The following SEMA6D variants were observed in gnomAD, a reference collection of about 807,000 sequenced individuals.
SEMA6D encodes semaphorin 6D.
In SEMA6D, 35 loss-of-function variants were observed where a neutral mutation model predicts 106.6. The observed-to-expected ratio is 0.33, with a 90% CI of 0.25 to 0.44. The LOEUF (loss-of-function observed/expected upper bound fraction) is 0.44, where lower values mean the gene tolerates loss of function less well. Among genes scored for constraint, SEMA6D ranks in the 20% least tolerant of loss-of-function variants. The probability of loss-of-function intolerance (pLI) is 1.00; values close to 1 mark genes in which losing one functional copy is unlikely to be tolerated. For missense variants in SEMA6D, 1,185 were observed against 1,345.9 expected (o/e 0.88, Z 1.87); for synonymous variants, 499 against 487.7 (o/e 1.02, Z -0.31).
intron 2 of SEMA6D, among the ~76,000 whole-genome samples, chr15:47,465,278 C>A (rs1239115137): frequency 6.6e-6 from 1 of 151,998 alleles, no homozygotes; most frequent in Non-Finnish European, 1.5e-5. Context: ...TCTATTTGGC[C>A]TCTAACTCTA....
chr15:47,471,520 A>G (rs902249783), intron 3 of SEMA6D, among the ~76,000 whole-genome samples: 2 of 152,180 alleles, frequency 1.3e-5, no homozygotes, highest in Non-Finnish European at 1.5e-5. Context: ...TAAGTCCTAC[A>G]CAATCTGTCG....
At chr15:47,236,115 A>G (rs1044330873) in intron 1 of SEMA6D, among the ~76,000 whole-genome samples, 9 of 152,138 alleles carry the variant, frequency 5.9e-5, no homozygotes, top group African/African-American at 2.2e-4. Context: ...GATTGCATCA[A>G]TCTTTGGTTA....
rs753102748 is a variant in SEMA6D, at chr15:47,764,859, G to C, written c.1254-24G>C. The C allele has an allele frequency of 2.5e-6, 4 of 1,613,630 alleles. No homozygotes were observed. The Admixed American group carries it at 6.7e-5, about 27-fold the overall frequency. On this transcript the variant is annotated intron_variant, in intron 12 of 18. Transcript: ENST00000536845. The stretch of plus-strand genomic sequence containing the variant: ...TCTCTGCCCGTTGGCCTCCCCTTCT[G>C]ATCTGTGCCGCCTCCTCTTGTAGGT...
intron 3 of SEMA6D, among the ~76,000 whole-genome samples, chr15:47,524,869 G>A (rs2044701885): frequency 1.3e-5 from 2 of 152,184 alleles, no homozygotes; most frequent in Non-Finnish European, 2.9e-5. Flanking sequence ...AGGTATTTAT[G>A]TCTTGCTACT....
chr15:47,248,345 C>A (rs572569090), intron 1 of SEMA6D, among the ~76,000 whole-genome samples: 3 of 152,108 alleles, frequency 2.0e-5, no homozygotes, highest in Non-Finnish European at 4.4e-5. Context: ...AAAACATTAA[C>A]GTGAAGAAAA....
At chr15:47,714,685 C>G (rs2079078353), upstream of SEMA6D, among the ~76,000 whole-genome samples, 1 of 152,206 alleles carries the variant, frequency 6.6e-6, no homozygotes, top group Non-Finnish European at 1.5e-5. Context: ...TCCATTCATC[C>G]ATACCTTCCT....
intron 1 of SEMA6D, among the ~76,000 whole-genome samples, chr15:47,186,689 A>G (rs1029120848): frequency 4.6e-5 from 7 of 152,202 alleles, no homozygotes; most frequent in Admixed American, 1.3e-4. Flanking sequence ...TGAACAATGA[A>G]TCAACCAGGT....
chr15:47,314,609 A>AAAAAAAAAAAAAAAC (rs2036575483), intron 1 of SEMA6D, among the ~76,000 whole-genome samples: 1 of 144,306 alleles, frequency 6.9e-6, no homozygotes, highest in Non-Finnish European at 1.5e-5. Flanking sequence ...AAAAAAAAAA[A>AAAAAAAAAAAAAAAC]AAAAAAAAAG....
chr15:47,199,323 A>T (rs958012502), intron 1 of SEMA6D, among the ~76,000 whole-genome samples: 1 of 152,144 alleles, frequency 6.6e-6, no homozygotes, highest in South Asian at 2.1e-4. Context: ...ATTCCTGTGA[A>T]TTCACAATAC....
At chr15:47,764,823 A>G in intron 12 of SEMA6D, 30 bp downstream of exon 12, 3 of 1,613,474 alleles carry the variant, frequency 1.9e-6, no homozygotes, top group South Asian at 1.1e-5. Context: ...ACTCCTTCCT[A>G]TTCAACGTTT....
intron 2 of SEMA6D, among the ~76,000 whole-genome samples, chr15:47,468,385 A>G (rs1386533507): frequency 1.3e-5 from 2 of 152,204 alleles, no homozygotes; most frequent in African/African-American, 4.8e-5. Flanking sequence ...TCTGAGCACT[A>G]GCTCTGCAGG....
intron 3 of SEMA6D, among the ~76,000 whole-genome samples, chr15:47,542,671 A>T (rs2045393170): frequency 6.6e-6 from 1 of 151,976 alleles, no homozygotes; most frequent in Admixed American, 6.6e-5. Flanking sequence ...TGAGATGTGC[A>T]TTTTCTTTTT....
intron 2 of SEMA6D, among the ~76,000 whole-genome samples, chr15:47,461,607 T>C (rs1051142315): frequency 3.9e-5 from 6 of 152,180 alleles, no homozygotes; most frequent in Admixed American, 2.0e-4. Flanking sequence ...ATAGCAATTT[T>C]TTAAATTGGT....
intron 1 of SEMA6D, among the ~76,000 whole-genome samples, chr15:47,404,712 G>A (rs889045566): frequency 8.5e-5 from 13 of 152,196 alleles, no homozygotes; most frequent in Admixed American, 7.9e-4. Flanking sequence ...AATGATAACA[G>A]CTCACATGCT....
chr15:47,219,308 A>G (rs1415689467), intron 1 of SEMA6D, among the ~76,000 whole-genome samples: 1 of 152,220 alleles, frequency 6.6e-6, no homozygotes, highest in Non-Finnish European at 1.5e-5. Flanking sequence ...GGATCCTGAG[A>G]TGCCATTCAC....
At chr15:47,550,761 A>T (rs1370925149) in intron 3 of SEMA6D, among the ~76,000 whole-genome samples, 1 of 152,182 alleles carries the variant, frequency 6.6e-6, no homozygotes, top group Non-Finnish European at 1.5e-5. Context: ...CAAGAGGTAC[A>T]TGCTGCCTGT....
chr15:47,312,486 T>G (rs2036489203), intron 1 of SEMA6D, among the ~76,000 whole-genome samples: 1 of 152,186 alleles, frequency 6.6e-6, no homozygotes, highest in Non-Finnish European at 1.5e-5. Context: ...CTTTATGGAT[T>G]CTGCCTTCTC....
chr15:47,332,338 C>T (rs1336877825), intron 1 of SEMA6D, among the ~76,000 whole-genome samples: 2 of 152,170 alleles, frequency 1.3e-5, no homozygotes, highest in African/African-American at 2.4e-5. Context: ...TAGCCTTGCA[C>T]ATGTCGGCCA....
chr15:47,441,590 C>G (rs534917866), intron 2 of SEMA6D, among the ~76,000 whole-genome samples: 1 of 152,232 alleles, frequency 6.6e-6, no homozygotes, highest in African/African-American at 2.4e-5. Context: ...GCCATAGATG[C>G]TGCATAAGTT....
Sources: allele counts gnomAD v4.1 joint callset (sites outside exome capture counted in the v4.1 genomes callset), GRCh38; gene constraint gnomAD v4.1.1; transcripts MANE v1.5; gene names NCBI Gene and HGNC (gene_info 2026-07-23, HGNC 2026-07-21).